CCR3: variants seen among roughly 807,000 people sequenced by gnomAD.
CCR3 encodes C-C motif chemokine receptor 3.
For synonymous variants in CCR3, 203 were observed against 179.2 expected, an observed-to-expected ratio of 1.13 and a Z score of -1.06; for missense variants, 419 against 437.5, an observed-to-expected ratio of 0.96 and a Z score of 0.38.
chr3:46,252,448 G>T (rs1466673007), intron 1 of CCR3, among the ~76,000 whole-genome samples: 6 of 151,908 alleles, frequency 3.9e-5, no homozygotes, highest in African/African-American at 1.5e-4. Context: ...CAAGATGCTG[G>T]GATTGTAGGC....
chr3:46,231,445 G>A (rs1699965661), intron 2 of CCR3, among the ~76,000 whole-genome samples: 1 of 152,224 alleles, frequency 6.6e-6, no homozygotes, highest in Admixed American at 6.5e-5. Flanking sequence ...GTTGTTACTT[G>A]TAGGAAAAGG....
chr3:46,245,337 A>G (rs1275059432), intron 1 of CCR3, among the ~76,000 whole-genome samples: 2 of 149,212 alleles, frequency 1.3e-5, no homozygotes, highest in Non-Finnish European at 3.0e-5. Context: ...GGATGTATCT[A>G]GTATCCTCCA....
chr3:46,238,321 T>A (rs539701022), upstream of CCR3, among the ~76,000 whole-genome samples: 3 of 152,352 alleles, frequency 2.0e-5, no homozygotes, highest in African/African-American at 7.2e-5. Context: ...ATTTACATTT[T>A]CCTAATGACT....
intron 2 of CCR3, among the ~76,000 whole-genome samples, chr3:46,215,608 G>A (rs1699764942): frequency 6.6e-6 from 1 of 152,194 alleles, no homozygotes; most frequent in African/African-American, 2.4e-5. Context: ...ACGACAGTGT[G>A]AGACACCCTG....
chr3:46,242,976 T>TACAC (rs1186317302), intron 1 of CCR3, among the ~76,000 whole-genome samples: 7 of 90,696 alleles, frequency 7.7e-5, no homozygotes, highest in South Asian at 3.7e-4. Flanking sequence ...TATATATATA[T>TACAC]ATACACATAT....
chr3:46,232,274 C>T (rs772204817), intron 2 of CCR3, among the ~76,000 whole-genome samples: 1 of 152,190 alleles, frequency 6.6e-6, no homozygotes, highest in African/African-American at 2.4e-5. Flanking sequence ...ATGAAGGTTA[C>T]GTCTGTCCAG....
At chr3:46,245,314 C>A (rs918778226) in intron 1 of CCR3, among the ~76,000 whole-genome samples, 10 of 150,022 alleles carry the variant, frequency 6.7e-5, no homozygotes, top group African/African-American at 2.2e-4. Flanking sequence ...TCAGAAAGTT[C>A]TTCCCCATGT....
chr3:46,213,254 G>A (rs939716050), intron 2 of CCR3, among the ~76,000 whole-genome samples: 1 of 152,182 alleles, frequency 6.6e-6, no homozygotes, highest in African/African-American at 2.4e-5. Context: ...ATCTAGGGTT[G>A]GGGCCAGCTG....
rs947883830 is a variant in CCR3 at position 46,264,890 on chromosome 3, C to T, written c.-11-258C>T. On this transcript the variant is annotated intron_variant, in intron 1 of 1. Transcript: ENST00000395940. Reference sequence around the variant, plus strand: ...AAATGCTTTCAGAAATCTGTATCCCCATTCTTCACCACCACCCCACAACAT... The same window carrying T: ...AAATGCTTTCAGAAATCTGTATCCCTATTCTTCACCACCACCCCACAACAT... 14 of 479,954 alleles carry T rather than the reference C, an allele frequency of 2.9e-5. No individual in the cohort carries two copies. The Admixed American group carries it at 5.5e-4, about 19-fold the overall frequency. 29.7% of individuals were successfully genotyped at this position (479,954 alleles called of 1,614,324 possible).
intron 2 of CCR3, among the ~76,000 whole-genome samples, chr3:46,227,730 A>T (rs1189852384): frequency 1.3e-5 from 2 of 152,118 alleles, no homozygotes; most frequent in Non-Finnish European, 2.9e-5. Flanking sequence ...TTTTGTTTTC[A>T]TTTAGTTCTG....
intron 1 of CCR3, 114 bp downstream of exon 1, chr3:46,242,652 C>A (rs1373274326): frequency 1.3e-5 from 2 of 151,832 alleles, no homozygotes; most frequent in African/African-American, 4.8e-5. Flanking sequence ...GGAAGGTACA[C>A]AGCAATTTAG....
At chr3:46,254,716 T>G (rs190420339) in intron 1 of CCR3, among the ~76,000 whole-genome samples, 5 of 152,310 alleles carry the variant, frequency 3.3e-5, no homozygotes, top group African/African-American at 1.2e-4. Context: ...AGCTCTCACT[T>G]ATGAGTGACA....
intron 1 of CCR3, among the ~76,000 whole-genome samples, chr3:46,247,344 TG>T (rs1419444022): frequency 3.9e-5 from 6 of 152,138 alleles, no homozygotes; most frequent in Non-Finnish European, 5.9e-5. Context: ...GGAATGAGAC[TG>T]GGGGCCTAAT....
At chr3:46,239,921 C>T (rs1700062516), upstream of CCR3, among the ~76,000 whole-genome samples, 1 of 152,196 alleles carries the variant, frequency 6.6e-6, no homozygotes, top group African/African-American at 2.4e-5. Context: ...TACTATAACT[C>T]AAAATCCTTC....
At chr3:46,257,259 C>T (rs554712751) in intron 1 of CCR3, among the ~76,000 whole-genome samples, 2 of 152,056 alleles carry the variant, frequency 1.3e-5, no homozygotes, top group African/African-American at 2.4e-5. Flanking sequence ...TTTGGAGAGT[C>T]GTTGTTGTCT....
At position 46,217,019 on chromosome 3, in the gene CCR3, T is replaced by C. The variant is rs943457187; in HGVS notation, c.-68+6112T>C. Among the ~76,000 whole-genome samples, 18 of 152,286 alleles carry C rather than the reference T, an allele frequency of 1.2e-4. No individual in the cohort carries two copies. The Middle Eastern group carries it at 0.01, about 86-fold the overall frequency. ...CTCACATCTCAATACTAACATTGAA[T>C]GTAAATGGCCTAAATGCTTCACTTA... On this transcript the variant is annotated intron_variant, in intron 2 of 3. Transcript: ENST00000357422.
At chr3:46,246,281 G>A (rs563452165) in intron 1 of CCR3, among the ~76,000 whole-genome samples, 34 of 152,080 alleles carry the variant, frequency 2.2e-4, no homozygotes, top group Admixed American at 1.4e-3. Flanking sequence ...GCTTTTATGC[G>A]TGTCCGTGTG....
intron 1 of CCR3, among the ~76,000 whole-genome samples, chr3:46,255,483 A>G (rs1356843989): frequency 1.3e-5 from 2 of 152,116 alleles, no homozygotes; most frequent in African/African-American, 2.4e-5. Flanking sequence ...GCCAATGTCT[A>G]GAAGAGTTCT....
chr3:46,241,462 G>A (rs1700084156), upstream of CCR3, among the ~76,000 whole-genome samples: 1 of 152,132 alleles, frequency 6.6e-6, no homozygotes, highest in South Asian at 2.1e-4. Flanking sequence ...GCCCTGTGAC[G>A]CTTTGCCCTG....
Sources: allele counts gnomAD v4.1 joint callset (sites outside exome capture counted in the v4.1 genomes callset), GRCh38; gene constraint gnomAD v4.1.1; transcripts MANE v1.5; gene names NCBI Gene and HGNC (gene_info 2026-07-23, HGNC 2026-07-21).